KCNB2: variants seen among roughly 807,000 people sequenced by gnomAD.
The protein encoded by KCNB2 is potassium voltage-gated channel subfamily B member 2.
In KCNB2, 15 loss-of-function variants were observed where a neutral mutation model predicts 61.5. That is an observed-to-expected ratio of 0.24 (90% CI 0.16 to 0.38). KCNB2 has a LOEUF of 0.38. KCNB2 is among the 10% of genes least tolerant of loss of function. KCNB2 has a pLI of 1.00. For missense variants in KCNB2, 828 were observed against 1,125.2 expected, an observed-to-expected ratio of 0.74 and a Z score of 3.78; for synonymous variants, 457 against 446.0, an observed-to-expected ratio of 1.02 and a Z score of -0.31.
intron 2 of KCNB2, among the ~76,000 whole-genome samples, chr8:72,748,821 CAT>C (rs906426130): frequency 6.6e-6 from 1 of 152,004 alleles, no homozygotes; most frequent in Non-Finnish European, 1.5e-5. Flanking sequence ...AGCTAATTAA[CAT>C]ATGTATTACC....
chr8:72,639,137 A>C (rs1160793226), intron 2 of KCNB2, among the ~76,000 whole-genome samples: 1 of 152,192 alleles, frequency 6.6e-6, no homozygotes, highest in Non-Finnish European at 1.5e-5. Flanking sequence ...TTTTGATAAT[A>C]AAGGAAGCTA....
intron 2 of KCNB2, among the ~76,000 whole-genome samples, chr8:72,891,449 T>C (rs1805894568): frequency 6.6e-6 from 1 of 152,184 alleles, no homozygotes; most frequent in South Asian, 2.1e-4. Context: ...GACATGCTTA[T>C]ACAATTAGGA....
chr8:72,720,225 A>G (rs1807525573), intron 2 of KCNB2, among the ~76,000 whole-genome samples: 1 of 152,208 alleles, frequency 6.6e-6, no homozygotes. Context: ...AAGGAGATAT[A>G]TTAGCCGGTC....
chr8:72,793,813 C>T (rs1002083567), intron 2 of KCNB2, among the ~76,000 whole-genome samples: 8 of 152,182 alleles, frequency 5.3e-5, no homozygotes, highest in African/African-American at 9.7e-5. Context: ...CCATGTGCCA[C>T]AAAAAGGGCC....
At chr8:72,849,001 C>T (rs1399990864) in intron 2 of KCNB2, among the ~76,000 whole-genome samples, 4 of 150,166 alleles carry the variant, frequency 2.7e-5, no homozygotes, top group Admixed American at 1.3e-4. Context: ...TAAGTATTTT[C>T]ATCATCTTTA....
intron 2 of KCNB2, among the ~76,000 whole-genome samples, chr8:72,691,684 A>G (rs972777519): frequency 1.8e-4 from 28 of 152,196 alleles, no homozygotes; most frequent in Admixed American, 1.7e-3. Flanking sequence ...ATCATCAGGG[A>G]ACTTGAATGC....
chr8:72,685,837 A>G (rs141504155), intron 2 of KCNB2, among the ~76,000 whole-genome samples: 3,008 of 152,272 alleles, frequency 0.02, 51 homozygotes, highest in South Asian at 0.074. Context: ...GAAAAATACA[A>G]AATTAGCCAG....
In KCNB2 at chr8:72,773,273, A is replaced by G. The variant is rs981419974; in HGVS notation, c.580-162662A>G. On this transcript the variant is annotated intron_variant, in intron 2 of 2. Coordinates refer to ENST00000523207, the MANE Select transcript of KCNB2 (RefSeq NM_004770.3). ...TGAAAACTCACCCAGCCTGCTTTGT[A>G]TTGCCCAGGTCTGCCAACTACTCAT... is the stretch of plus-strand genomic sequence containing the variant. Among the ~76,000 whole-genome samples the G allele has an allele frequency of 2.2e-4, 33 of 152,250 alleles. 1 individual carries two copies. Among genetic ancestry groups the G allele is most frequent in the Admixed American group, 1.9e-3 (29 of 15,288 alleles).
chr8:72,620,629 A>G (rs564224634), intron 2 of KCNB2, among the ~76,000 whole-genome samples: 10 of 151,610 alleles, frequency 6.6e-5, no homozygotes, highest in African/African-American at 2.4e-4. Flanking sequence ...TTTTTTTGAG[A>G]TGGAGTTTCG....
intron 2 of KCNB2, among the ~76,000 whole-genome samples, chr8:72,783,324 C>T (rs769745243): frequency 1.3e-5 from 2 of 152,052 alleles, no homozygotes; most frequent in African/African-American, 2.4e-5. Context: ...AACCCCTTAC[C>T]CCAGGCTACA....
chr8:72,616,508 G>T lies in KCNB2; in HGVS notation c.579+48195G>T, dbSNP rs561084162. Among the ~76,000 whole-genome samples the T allele has an allele frequency of 1.4e-4, 22 of 152,034 alleles. No homozygotes were observed. The South Asian group carries it at 4.4e-3, about 30-fold the overall frequency. ...TAGGCTTTTTTCTTTTTTCATTCAG[G>T]TCTCAGTTCATATATTAAATGTGGT... is the stretch of plus-strand genomic sequence containing the variant. On this transcript the variant is annotated intron_variant, in intron 2 of 2. Transcript: ENST00000523207.
chr8:72,596,670 T>A (rs935571334), intron 2 of KCNB2, among the ~76,000 whole-genome samples: 2 of 152,210 alleles, frequency 1.3e-5, no homozygotes, highest in Non-Finnish European at 2.9e-5. Flanking sequence ...CAGTGATAAT[T>A]TGTCTAGTGT....
intron 2 of KCNB2, among the ~76,000 whole-genome samples, chr8:72,778,247 A>G (rs1282167735): frequency 6.6e-6 from 1 of 152,184 alleles, no homozygotes. Context: ...GTTTTCACAC[A>G]GAGGTATTAT....
chr8:72,654,383 G>A (rs1806258624), intron 2 of KCNB2, among the ~76,000 whole-genome samples: 1 of 152,140 alleles, frequency 6.6e-6, no homozygotes, highest in South Asian at 2.1e-4. Flanking sequence ...AAGAGTGACA[G>A]CTATTTCAGA....
chr8:72,593,888 G>A (rs1479034680), intron 2 of KCNB2, among the ~76,000 whole-genome samples: 1 of 151,984 alleles, frequency 6.6e-6, no homozygotes, highest in African/African-American at 2.4e-5. Context: ...GGGCTTATAG[G>A]AAGAACATTT....
intron 2 of KCNB2, among the ~76,000 whole-genome samples, chr8:72,773,625 G>A (rs1039012828): frequency 2.0e-4 from 31 of 152,160 alleles, no homozygotes; most frequent in Non-Finnish European, 1.6e-4. Context: ...GTGGGGAGGG[G>A]CCTAAAGTCT....
At chr8:72,855,948 C>A (rs1009686284) in intron 2 of KCNB2, among the ~76,000 whole-genome samples, 1 of 152,144 alleles carries the variant, frequency 6.6e-6, no homozygotes, top group Non-Finnish European at 1.5e-5. Context: ...CTTATAATAC[C>A]TAATACAATG....
intron 2 of KCNB2, among the ~76,000 whole-genome samples, chr8:72,643,484 A>G (rs558550914): frequency 6.6e-6 from 1 of 152,234 alleles, no homozygotes; most frequent in Non-Finnish European, 1.5e-5. Context: ...TGTCTGACTC[A>G]TGGAGTGGCC....
intron 2 of KCNB2, among the ~76,000 whole-genome samples, chr8:72,846,143 C>T (rs143988276): frequency 6.6e-6 from 1 of 152,258 alleles, no homozygotes; most frequent in Non-Finnish European, 1.5e-5. Flanking sequence ...GTATCTGGAC[C>T]GGAATGCACT....
Sources: allele counts gnomAD v4.1 joint callset (sites outside exome capture counted in the v4.1 genomes callset), GRCh38; gene constraint gnomAD v4.1.1; transcripts MANE v1.5; gene names NCBI Gene and HGNC (gene_info 2026-07-23, HGNC 2026-07-21).